The following PSD3 variants were observed in gnomAD, a reference collection of about 807,000 sequenced individuals.
PSD3 encodes pleckstrin and Sec7 domain containing 3, also known as PH and SEC7 domain-containing protein 3.
PSD3 carries 49 observed loss-of-function variants against 105.5 expected under a neutral mutation model. That is an observed-to-expected ratio of 0.46 (90% CI 0.37 to 0.59). PSD3 has a LOEUF of 0.59. Ranked by LOEUF, PSD3 falls within the 20% of genes least tolerant of loss-of-function variation. PSD3 has a pLI of 0.00. For synonymous variants in PSD3, 557 were observed against 457.8 expected (o/e 1.22, Z -2.77); for missense variants, 1,561 against 1,263.8 (o/e 1.24, Z -3.57).
intron 9 of PSD3, among the ~76,000 whole-genome samples, chr8:18,677,535 A>G (rs1183941354): frequency 1.3e-5 from 2 of 152,188 alleles, no homozygotes; most frequent in South Asian, 2.1e-4. Flanking sequence ...ACAGAGCAAT[A>G]TTGTGTAAGG....
chr8:18,724,867 G>A (rs1163734581), intron 9 of PSD3, among the ~76,000 whole-genome samples: 1 of 152,102 alleles, frequency 6.6e-6, no homozygotes, highest in South Asian at 2.1e-4. Context: ...GGAGAAATAT[G>A]TGGTCAAAGA....
chr8:18,973,069 G>A (rs1022489324), intron 1 of PSD3, among the ~76,000 whole-genome samples: 1 of 152,156 alleles, frequency 6.6e-6, no homozygotes, highest in Non-Finnish European at 1.5e-5. Flanking sequence ...TTTATTCGAT[G>A]GACTACCTCA....
At chr8:18,863,055 T>TA (rs1312880903) in intron 4 of PSD3, among the ~76,000 whole-genome samples, 2 of 152,166 alleles carry the variant, frequency 1.3e-5, no homozygotes, top group African/African-American at 4.8e-5. Context: ...CTTGGAAGCT[T>TA]AGATATAAAA....
chr8:18,834,875 T>C (rs1021223388), intron 4 of PSD3, among the ~76,000 whole-genome samples: 3 of 152,078 alleles, frequency 2.0e-5, no homozygotes, highest in Non-Finnish European at 4.4e-5. Context: ...TTAATTCAAG[T>C]AGGTTTACAG....
intron 1 of PSD3, among the ~76,000 whole-genome samples, chr8:19,074,584 G>GATAGATATATATATAT (rs1829384936): frequency 1.0e-5 from 1 of 99,536 alleles, no homozygotes; most frequent in Non-Finnish European, 2.1e-5. Flanking sequence ...TTACAACTCA[G>GATAGATATATATATAT]ATATATACAT....
intron 6 of PSD3, among the ~76,000 whole-genome samples, chr8:18,803,770 G>A (rs1244361014): frequency 2.0e-5 from 3 of 151,074 alleles, no homozygotes; most frequent in Non-Finnish European, 4.4e-5. Flanking sequence ...AGGGGCTGGG[G>A]GAAAGGAGGG....
intron 15 of PSD3, among the ~76,000 whole-genome samples, chr8:18,554,426 G>A (rs566986427): frequency 6.6e-6 from 1 of 152,150 alleles, no homozygotes; most frequent in East Asian, 1.9e-4. Flanking sequence ...TTGCTGGTAA[G>A]GCTTCTACGG....
chr8:18,914,433 T>C (rs1250873547), intron 2 of PSD3, among the ~76,000 whole-genome samples: 1 of 152,132 alleles, frequency 6.6e-6, no homozygotes, highest in Non-Finnish European at 1.5e-5. Flanking sequence ...AAATGGTCTC[T>C]TTTTGCAACT....
intron 2 of PSD3, among the ~76,000 whole-genome samples, chr8:18,920,043 A>T (rs941307259): frequency 3.3e-5 from 5 of 151,328 alleles, no homozygotes; most frequent in African/African-American, 1.2e-4. Flanking sequence ...AATCACAAAA[A>T]AAAAAAAGTT....
chr8:18,927,702 C>G (rs1368599843), intron 2 of PSD3, among the ~76,000 whole-genome samples: 3 of 152,186 alleles, frequency 2.0e-5, no homozygotes, highest in Non-Finnish European at 4.4e-5. Flanking sequence ...TCCGAACCCT[C>G]CAATCCCGCT....
Position 18,575,157 on chromosome 8 carries a change from G to T in PSD3, c.2610C>A (p.Ala870=). 6.2e-7 allele frequency: 1 copy of T among 1,613,236 alleles called. No homozygotes were observed. Among genetic ancestry groups the T allele is most frequent in the Non-Finnish European group, 8.5e-7 (1 of 1,179,654 alleles). ...TTTGAAAAAGCAAGACCCTCCAGTC[G>T]GCAGTTTTAAGTTTAAACACGTTTG... ...KKPNVFKLKT[A]DWRVLLFQTQ... The change falls in exon 13 of 16, where the codon GCC becomes GCA. Residue 870 remains alanine (A), a synonymous_variant. Transcript: ENST00000327040.
chr8:19,018,124 T>A (rs984837253), upstream of PSD3, among the ~76,000 whole-genome samples: 1 of 152,182 alleles, frequency 6.6e-6, no homozygotes, highest in South Asian at 2.1e-4. Context: ...ATTGATTGTG[T>A]GACATTTTCT....
intron 1 of PSD3, among the ~76,000 whole-genome samples, chr8:19,077,191 G>C (rs1051568968): frequency 6.6e-6 from 1 of 152,170 alleles, no homozygotes; most frequent in Non-Finnish European, 1.5e-5. Context: ...CATACAATCA[G>C]TGAGAACTCA....
intron 8 of PSD3, among the ~76,000 whole-genome samples, chr8:18,793,679 T>C (rs1033302016): frequency 2.0e-5 from 3 of 152,116 alleles, no homozygotes; most frequent in East Asian, 1.9e-4. Context: ...ATGCCAACGA[T>C]AGCTTTCATG....
intron 2 of PSD3, among the ~76,000 whole-genome samples, chr8:18,905,469 G>A (rs1444751968): frequency 2.6e-5 from 4 of 152,086 alleles, no homozygotes; most frequent in Admixed American, 1.3e-4. Context: ...GACTACAGGT[G>A]CACACCACCA....
At chr8:19,064,509 T>G (rs1829011845) in intron 1 of PSD3, among the ~76,000 whole-genome samples, 1 of 151,876 alleles carries the variant, frequency 6.6e-6, no homozygotes, top group African/African-American at 2.4e-5. Context: ...CGTTTATCAT[T>G]TCTTTGTGTT....
intron 9 of PSD3, among the ~76,000 whole-genome samples, chr8:18,722,731 G>C (rs2043582598): frequency 6.6e-6 from 1 of 152,108 alleles, no homozygotes; most frequent in Admixed American, 6.6e-5. Flanking sequence ...TCTTCGGCCT[G>C]GGATGCCCTG....
intron 1 of PSD3, among the ~76,000 whole-genome samples, chr8:18,992,726 A>G (rs1825868884): frequency 6.6e-6 from 1 of 152,196 alleles, no homozygotes; most frequent in South Asian, 2.1e-4. Context: ...TTCTTCATCC[A>G]TACATTAGAA....
chr8:19,018,755 A>T (rs1827259283), intron 1 of PSD3, among the ~76,000 whole-genome samples: 1 of 152,184 alleles, frequency 6.6e-6, no homozygotes, highest in Non-Finnish European at 1.5e-5. Flanking sequence ...TGAACATCAA[A>T]AATTTGACTA....
Sources: gnomAD v4.1 joint callset for allele counts (sites outside exome capture counted in the v4.1 genomes callset) on GRCh38, gnomAD v4.1.1 for gene constraint, MANE v1.5 for transcripts, NCBI Gene and HGNC (gene_info 2026-07-23, HGNC 2026-07-21) for gene names.